GPHN: variants seen among roughly 807,000 people sequenced by gnomAD.
GPHN encodes gephyrin.
A neutral mutation model predicts 95.5 loss-of-function variants in GPHN; 17 were observed. The ratio of observed to expected loss-of-function variants is 0.18; its 90% confidence interval spans 0.12 to 0.27. The LOEUF is 0.27. Among genes scored for constraint, GPHN ranks in the 10% least tolerant of loss-of-function variants. GPHN has a pLI of 1.00. For synonymous variants in GPHN, 320 were observed against 322.5 expected (o/e 0.99, Z 0.08); for missense variants, 660 against 978.1 (o/e 0.67, Z 4.34).
the GPHN span, chr14:67,691,299 T>A: frequency 8.2e-7 from 1 of 1,226,856 alleles, no homozygotes. Context: ...TATTACATCT[T>A]AGAAAGCTGC....
At chr14:67,367,380 A>G in the GPHN span, among the ~76,000 whole-genome samples, 1 of 152,006 alleles carries the variant, frequency 6.6e-6, no homozygotes, top group African/African-American at 2.4e-5. Context: ...ACAGGCACAC[A>G]CCACCATGCC....
intron 5 of GPHN, among the ~76,000 whole-genome samples, chr14:66,891,377 G>T (rs550315138): frequency 6.6e-6 from 1 of 152,086 alleles, no homozygotes; most frequent in African/African-American, 2.4e-5. Context: ...TTCAACAAGG[G>T]TGTCAATTCA....
chr14:67,544,124 T>G, the GPHN span, among the ~76,000 whole-genome samples: 1 of 151,952 alleles, frequency 6.6e-6, no homozygotes, highest in Admixed American at 6.5e-5. Flanking sequence ...AATTTAAAAA[T>G]AAAAAATGGT....
intron 20 of GPHN, among the ~76,000 whole-genome samples, chr14:67,166,049 T>C (rs2082257846): frequency 6.6e-6 from 1 of 152,260 alleles, no homozygotes; most frequent in Non-Finnish European, 1.5e-5. Context: ...CTTTAAGATT[T>C]ACAAATCTCA....
intron 3 of GPHN, among the ~76,000 whole-genome samples, chr14:66,796,199 A>G: frequency 6.6e-6 from 1 of 152,068 alleles, no homozygotes; most frequent in East Asian, 1.9e-4. Context: ...ACTCCACTGT[A>G]TATAAGAACC....
intron 1 of GPHN, among the ~76,000 whole-genome samples, chr14:66,584,151 G>A (rs1376878252): frequency 6.6e-6 from 1 of 152,046 alleles, no homozygotes; most frequent in East Asian, 1.9e-4. Flanking sequence ...TGTAGCAATT[G>A]TGAATGGGAG....
chr14:67,188,961 G>A, the GPHN span, among the ~76,000 whole-genome samples: 1 of 151,982 alleles, frequency 6.6e-6, no homozygotes, highest in Non-Finnish European at 1.5e-5. Flanking sequence ...AAAGTGCTGG[G>A]ATTGCAGGCA....
Position 67,016,906 on chromosome 14 carries a change from C to A in GPHN, c.964-6727C>A, listed in dbSNP as rs958899449. Among the ~76,000 whole-genome samples, 85 of 152,134 alleles carry A rather than the reference C, an allele frequency of 5.6e-4. 1 individual carries two copies. The highest frequency in any genetic ancestry group is 2.0e-3 in the African/African-American group (82 of 41,526). ...ATATTCATAAAGATAATAAGAACAA[C>A]TTCAATTTCTATTTTATTTTTACTT... is the stretch of plus-strand genomic sequence containing the variant. On this transcript the variant is annotated intron_variant, in intron 9 of 22. Transcript: ENST00000478722.
intron 21 of GPHN, among the ~76,000 whole-genome samples, chr14:67,178,615 T>C (rs944536105): frequency 2.0e-5 from 3 of 152,188 alleles, no homozygotes; most frequent in African/African-American, 7.2e-5. Flanking sequence ...AATATTTTTA[T>C]CATCAGAGTC....
chr14:66,612,907 T>A (rs560390971), intron 1 of GPHN, among the ~76,000 whole-genome samples: 1 of 152,290 alleles, frequency 6.6e-6, no homozygotes, highest in African/African-American at 2.4e-5. Context: ...TTAGTACTAT[T>A]CCATTCTGTG....
chr14:67,211,165 A>G, the GPHN span, among the ~76,000 whole-genome samples: 2 of 152,222 alleles, frequency 1.3e-5, no homozygotes, highest in African/African-American at 4.8e-5. Flanking sequence ...TAGAATTGCT[A>G]TAAGGATTAA....
intron 1 of GPHN, among the ~76,000 whole-genome samples, chr14:66,672,148 T>C (rs1168015519): frequency 1.3e-5 from 2 of 152,158 alleles, no homozygotes; most frequent in South Asian, 2.1e-4. Context: ...TATGGTATCA[T>C]TATTTAAATA....
intron 6 of GPHN, among the ~76,000 whole-genome samples, chr14:66,918,416 G>C (rs1435673849): frequency 6.6e-6 from 1 of 152,164 alleles, no homozygotes; most frequent in African/African-American, 2.4e-5. Flanking sequence ...CTTCTATGTA[G>C]AAAGTGGGGT....
the GPHN span, among the ~76,000 whole-genome samples, chr14:67,422,288 A>G: frequency 1.3e-5 from 2 of 152,106 alleles, no homozygotes; most frequent in East Asian, 3.9e-4. Flanking sequence ...CTTCCCCTTG[A>G]AAGCCCCAAT....
At chr14:66,614,724 G>A (rs1015733963) in intron 1 of GPHN, among the ~76,000 whole-genome samples, 8 of 151,846 alleles carry the variant, frequency 5.3e-5, no homozygotes, top group African/African-American at 1.9e-4. Flanking sequence ...GATGTTTTAT[G>A]TATTCTTTTT....
At chr14:66,609,807 T>C (rs1260762516) in intron 1 of GPHN, among the ~76,000 whole-genome samples, 1 of 152,130 alleles carries the variant, frequency 6.6e-6, no homozygotes, top group Non-Finnish European at 1.5e-5. Context: ...TTTTTAAAAA[T>C]GGCTATTTTG....
At chr14:66,839,260 C>A (rs2153506473) in intron 4 of GPHN, among the ~76,000 whole-genome samples, 1 of 152,310 alleles carries the variant, frequency 6.6e-6, no homozygotes. Flanking sequence ...GTGGAAGAAG[C>A]AGTCCATCAT....
chr14:66,689,188 C>T (rs2067604727), intron 2 of GPHN, among the ~76,000 whole-genome samples: 1 of 152,050 alleles, frequency 6.6e-6, no homozygotes, highest in African/African-American at 2.4e-5. Context: ...CTGTATATGG[C>T]TTTTGTTGTG....
At chr14:66,928,016 G>A (rs1422306653) in intron 8 of GPHN, among the ~76,000 whole-genome samples, 1 of 152,140 alleles carries the variant, frequency 6.6e-6, no homozygotes, top group East Asian at 1.9e-4. Context: ...ATGTGTCTTT[G>A]TCTGGTTTTA....
Sources: allele counts gnomAD v4.1 joint callset (sites outside exome capture counted in the v4.1 genomes callset), GRCh38; gene constraint gnomAD v4.1.1; transcripts MANE v1.5; gene names NCBI Gene and HGNC (gene_info 2026-07-23, HGNC 2026-07-21).